Variants in CLIC6 observed in about 807,000 individuals in gnomAD.
CLIC6 encodes the protein chloride intracellular channel protein 6.
A neutral mutation model predicts 49.2 loss-of-function variants in CLIC6; 39 were observed. The ratio of observed to expected loss-of-function variants is 0.79; its 90% CI spans 0.61 to 1.04. The LOEUF is 1.04. Ranked by LOEUF, CLIC6 falls within the 50% of genes least tolerant of loss-of-function variation. CLIC6 has a pLI of 0.00. For missense variants in CLIC6, 988 were observed against 993.1 expected (o/e 0.99, Z 0.07); for synonymous variants, 446 against 433.4 (o/e 1.03, Z -0.36).
At chr21:34,703,360 G>T (rs2055992809) in intron 1 of CLIC6, among the ~76,000 whole-genome samples, 1 of 152,146 alleles carries the variant, frequency 6.6e-6, no homozygotes, top group Admixed American at 6.5e-5. Flanking sequence ...GGTGGTAGGG[G>T]GTGGCTTGCT....
intron 5 of CLIC6, among the ~76,000 whole-genome samples, chr21:34,710,816 AAAAAAAC>A (rs1282975198): frequency 1.3e-5 from 2 of 152,028 alleles, no homozygotes; most frequent in Non-Finnish European, 2.9e-5. Context: ...CCGTCTCAGA[AAAAAAAC>A]AAAAAACAAA....
chr21:34,703,254 A>G (rs1256753519), intron 1 of CLIC6, among the ~76,000 whole-genome samples: 1 of 152,154 alleles, frequency 6.6e-6, no homozygotes, highest in African/African-American at 2.4e-5. Flanking sequence ...GTTTTTCATT[A>G]TATTTGGGCA....
At chr21:34,686,359 C>A (rs1030005155) in intron 1 of CLIC6, among the ~76,000 whole-genome samples, 1 of 152,312 alleles carries the variant, frequency 6.6e-6, no homozygotes, top group South Asian at 2.1e-4. Context: ...TGAGATCACG[C>A]CACTGCGCTC....
intron 1 of CLIC6, among the ~76,000 whole-genome samples, chr21:34,701,308 C>CAAA (rs763844976): frequency 0.14 from 6,992 of 49,514 alleles, 801 homozygotes; most frequent in Non-Finnish European, 0.16. Flanking sequence ...GGCTCCGTCT[C>CAAA]AAAAAAAAAA....
chr21:34,682,314 C>T (rs1401889576), intron 1 of CLIC6, among the ~76,000 whole-genome samples: 1 of 152,186 alleles, frequency 6.6e-6, no homozygotes, highest in Non-Finnish European at 1.5e-5. Context: ...AACTTCTCTG[C>T]TGAGGTATTA....
chr21:34,682,515 C>T lies in CLIC6; in HGVS notation c.1374+11753C>T, dbSNP rs76004922. On this transcript the variant is annotated intron_variant, in intron 1 of 5. Transcript: ENST00000349499. ...CTGCATTTTTCTTATGGGCTTTTGA[C>T]CTATTCTTTCTGATTTTGATGTTAA... is the stretch of plus-strand genomic sequence containing the variant. 4.4e-4 allele frequency among the ~76,000 whole-genome samples: 67 copies of T among 152,080 alleles called. No individual in the cohort carries two copies. The East Asian group carries it at 0.012, about 27-fold the overall frequency.
At chr21:34,704,000 G>A (rs921367462) in intron 1 of CLIC6, among the ~76,000 whole-genome samples, 2 of 152,182 alleles carry the variant, frequency 1.3e-5, no homozygotes, top group African/African-American at 4.8e-5. Context: ...ACTTTGATTT[G>A]ATCAGAAATG....
intron 5 of CLIC6, among the ~76,000 whole-genome samples, chr21:34,711,464 G>A (rs887694017): frequency 6.6e-6 from 1 of 151,876 alleles, no homozygotes; most frequent in Non-Finnish European, 1.5e-5. Flanking sequence ...CCCAGGAGGC[G>A]GAGGTTGCAG....
intron 1 of CLIC6, among the ~76,000 whole-genome samples, chr21:34,678,972 T>C (rs1989725525): frequency 6.6e-6 from 1 of 152,238 alleles, no homozygotes; most frequent in Non-Finnish European, 1.5e-5. Context: ...TATCTATTTC[T>C]GTGTAACAAA....
At chr21:34,677,349 T>A (rs16992134) in intron 1 of CLIC6, among the ~76,000 whole-genome samples, 2,072 of 152,336 alleles carry the variant, frequency 0.014, 51 homozygotes, top group African/African-American at 0.047. Context: ...GTTAAGAGCT[T>A]GTTATAAAGA....
At chr21:34,703,900 T>G (rs1198306731) in intron 1 of CLIC6, among the ~76,000 whole-genome samples, 1 of 152,216 alleles carries the variant, frequency 6.6e-6, no homozygotes, top group Non-Finnish European at 1.5e-5. Flanking sequence ...CTCAACAAAG[T>G]TGAATTCGAA....
chr21:34,706,494 A>G (rs1256947029), intron 1 of CLIC6, among the ~76,000 whole-genome samples: 2 of 152,196 alleles, frequency 1.3e-5, no homozygotes, highest in African/African-American at 4.8e-5. Context: ...CCCAAACCTT[A>G]AGACTTTTAT....
Position 34,669,308 on chromosome 21 carries a change from T to C in CLIC6, c.-81T>C, listed in dbSNP as rs1357758835. The C allele has an allele frequency of 1.2e-5, 14 of 1,141,454 alleles. No individual in the cohort carries two copies. The highest frequency in any genetic ancestry group is 1.5e-5 in the Non-Finnish European group (14 of 905,990). 70.7% of individuals were successfully genotyped at this position (1,141,454 alleles called of 1,614,324 possible). A position where few individuals can be genotyped will look rare whatever the true frequency, so the allele number is the denominator to read the frequency against. On this transcript the variant is annotated 5_prime_UTR_variant, in exon 1 of 6. Coordinates refer to ENST00000349499, the MANE Select transcript of CLIC6 (RefSeq NM_053277.3). ...CCTTCAAGGAGCACAGAGGGCCCCGTAGCACGCCCCTTGCCCAGCGCCACC... is the reference window on the plus strand; with the variant it reads ...CCTTCAAGGAGCACAGAGGGCCCCGCAGCACGCCCCTTGCCCAGCGCCACC...
chr21:34,686,770 T>C (rs1222196128), intron 1 of CLIC6, among the ~76,000 whole-genome samples: 1 of 152,152 alleles, frequency 6.6e-6, no homozygotes, highest in Non-Finnish European at 1.5e-5. Flanking sequence ...TGTGTGAAGC[T>C]GTCTTGGCCC....
rs2056081995 is a variant in CLIC6, at chr21:34,715,734, C to T, written c.1900-587C>T. ...GGTGCTGTCTCTCGACTGCTTCTTCCTTACACCCACCATCCCCATGAGGGT... is the reference window on the plus strand; with the variant it reads ...GGTGCTGTCTCTCGACTGCTTCTTCTTTACACCCACCATCCCCATGAGGGT... On this transcript the variant is annotated intron_variant, in intron 5 of 5. Coordinates refer to ENST00000349499, the MANE Select transcript of CLIC6 (RefSeq NM_053277.3). 2.0e-5 allele frequency among the ~76,000 whole-genome samples: 3 copies of T among 152,212 alleles called. No homozygotes were observed. The South Asian group carries it at 6.2e-4, about 32-fold the overall frequency.
chr21:34,708,028 T>A lies in CLIC6; in HGVS notation c.1569T>A (p.Asn523Lys). ...TFDGEVKTDV[N>K]KIEEFLEEKL... is the part of the protein sequence containing the mutation. ...ATGGTGAAGTCAAGACGGATGTGAA[T>A]AAGATCGAGGAGTTCTTAGAGGAGA... The change falls in exon 3 of 6, where the codon AAT becomes AAA. Residue 523 changes from asparagine to lysine, a missense_variant. By Grantham distance (94) the Asn-to-Lys change is moderately conservative. This residue lies in a region of CLIC6 where 647 missense variants were observed against 596.9 expected (regional missense o/e 1.08). Coordinates refer to ENST00000349499, the MANE Select transcript of CLIC6 (RefSeq NM_053277.3). 1 of 1,614,160 alleles carries A rather than the reference T, an allele frequency of 6.2e-7. No homozygotes were observed. Among genetic ancestry groups the A allele is most frequent in the Non-Finnish European group, 8.5e-7 (1 of 1,180,014 alleles).
chr21:34,710,984 C>T (rs549399755), intron 5 of CLIC6, among the ~76,000 whole-genome samples: 2 of 152,284 alleles, frequency 1.3e-5, no homozygotes, highest in East Asian at 1.9e-4. Flanking sequence ...AGCACAGCAG[C>T]GCTCCCAGCC....
chr21:34,713,834 TA>T (rs1236489938), intron 5 of CLIC6, among the ~76,000 whole-genome samples: 1 of 152,038 alleles, frequency 6.6e-6, no homozygotes, highest in Non-Finnish European at 1.5e-5. Flanking sequence ...GCTTTGAGAA[TA>T]AAAAACAACC....
rs541333914 is a variant in CLIC6 at position 34,670,643 on chromosome 21, G to C, written c.1255G>C (p.Glu419Gln). ...GGCCCAGCTCAGCAACCACCTGGCC[G>C]AGGAGGGCCCCGCCGAGGGTAGCGG... ...PEAQLSNHLA[E>Q]EGPAEGSGEA... Residue 419 changes from glutamate to glutamine, a missense_variant, in exon 1 of 6, where the codon GAG (glutamate) becomes CAG (glutamine). Glu to Gln is a conservative substitution (Grantham distance 29). Coordinates refer to ENST00000349499, the MANE Select transcript of CLIC6 (RefSeq NM_053277.3). 6.4e-7 allele frequency: 1 copy of C among 1,557,082 alleles called. No individual in the cohort carries two copies.
Sources: gnomAD v4.1 joint callset for allele counts (sites outside exome capture counted in the v4.1 genomes callset) on GRCh38, gnomAD v4.1.1 for gene constraint, gnomAD v4.1.1 regional missense constraint, MANE v1.5 for transcripts, NCBI Gene and HGNC (gene_info 2026-07-23, HGNC 2026-07-21) for gene names.